Variants in TRIM37 observed in about 807,000 individuals in gnomAD.
TRIM37 encodes the protein tripartite motif containing 37, also known as E3 ubiquitin-protein ligase TRIM37.
TRIM37 carries 80 observed loss-of-function variants against 129.8 expected under a neutral mutation model. The ratio of observed to expected loss-of-function variants is 0.62; its 90% confidence interval spans 0.51 to 0.74. The LOEUF is 0.74. TRIM37 is among the 30% of genes least tolerant of loss of function. The pLI is 0.00. For missense variants in TRIM37, 1,054 were observed against 1,176.5 expected, an observed-to-expected ratio of 0.90 and a Z score of 1.52; for synonymous variants, 389 against 387.1, an observed-to-expected ratio of 1.00 and a Z score of -0.06.
chr17:58,980,734 C>G (rs369185588), downstream of TRIM37: 2 of 1,614,098 alleles, frequency 1.2e-6, no homozygotes, highest in African/African-American at 1.3e-5. This position sits in a 1 kb window ranked among gnomAD's most constrained non-coding sequence, Gnocchi z 4.7. Flanking sequence ...ATGAACAGTT[C>G]AAATCCCCGG....
chr17:59,050,300 T>G (rs769363151), intron 14 of TRIM37, among the ~76,000 whole-genome samples: 3 of 152,158 alleles, frequency 2.0e-5, no homozygotes, highest in Admixed American at 6.5e-5. Context: ...CAAAACAACT[T>G]TATGCAATGA....
chr17:59,006,451 C>G (rs1043430856), intron 22 of TRIM37, among the ~76,000 whole-genome samples: 3 of 152,168 alleles, frequency 2.0e-5, no homozygotes, highest in African/African-American at 7.2e-5. Context: ...ATACATTAAC[C>G]ACCTGGTACA....
At chr17:58,975,741 GACTTT>G in the TRIM37 span, among the ~76,000 whole-genome samples, 1 of 152,300 alleles carries the variant, frequency 6.6e-6, no homozygotes, top group African/African-American at 2.4e-5. Flanking sequence ...AAGTAGTCTG[GACTTT>G]ACCAGGTGAA....
intron 3 of TRIM37, 56 bp downstream of exon 3, chr17:59,091,244 C>A: frequency 7.1e-7 from 1 of 1,399,202 alleles, no homozygotes; most frequent in East Asian, 2.5e-5. Context: ...AATCCCAAGG[C>A]ACATTCTGAT....
chr17:58,981,661 T>C (rs1369852953), downstream of TRIM37: 2 of 152,654 alleles, frequency 1.3e-5, no homozygotes, highest in Non-Finnish European at 2.9e-5. Flanking sequence ...ATTTTTTTCC[T>C]GTAACATAAA....
At chr17:59,042,143 G>A (rs1179312366) in intron 16 of TRIM37, among the ~76,000 whole-genome samples, 24 of 150,418 alleles carry the variant, frequency 1.6e-4, no homozygotes, top group African/African-American at 3.2e-4. Flanking sequence ...TTGGGAGGCT[G>A]AGGCAGGCGG....
intron 14 of TRIM37, among the ~76,000 whole-genome samples, chr17:59,050,393 A>C (rs926862826): frequency 1.3e-5 from 2 of 152,216 alleles, no homozygotes; most frequent in Non-Finnish European, 2.9e-5. Flanking sequence ...TTTTAATTTT[A>C]ATTAAGCTAA....
At chr17:59,020,046 C>G (rs1884994347) in intron 19 of TRIM37, among the ~76,000 whole-genome samples, 1 of 151,700 alleles carries the variant, frequency 6.6e-6, no homozygotes, top group Non-Finnish European at 1.5e-5. Flanking sequence ...GCCTGGCCAG[C>G]ATGGTGAAAC....
At chr17:59,054,214 ATATTT>A (rs1399851867) in intron 13 of TRIM37, among the ~76,000 whole-genome samples, 1 of 152,238 alleles carries the variant, frequency 6.6e-6, no homozygotes, top group Non-Finnish European at 1.5e-5. Flanking sequence ...AGTTCAGAAC[ATATTT>A]TAATCTTTTT....
chr17:58,986,291 C>T (rs967825849), intron 24 of TRIM37, among the ~76,000 whole-genome samples: 2 of 151,952 alleles, frequency 1.3e-5, no homozygotes, highest in African/African-American at 4.8e-5. Context: ...CTCTGCCTCC[C>T]AGGTTCAAGC....
downstream of TRIM37, chr17:58,981,039 T>C: frequency 6.4e-7 from 1 of 1,562,502 alleles, no homozygotes; most frequent in Non-Finnish European, 8.6e-7. Flanking sequence ...TAATTTTTCT[T>C]TCAAGTAGGT....
At chr17:59,097,835 A>C (rs2045054180) in intron 2 of TRIM37, among the ~76,000 whole-genome samples, 1 of 152,248 alleles carries the variant, frequency 6.6e-6, no homozygotes, top group Non-Finnish European at 1.5e-5. Flanking sequence ...ACCCATGTTC[A>C]AGGATCATAA....
intron 5 of TRIM37, among the ~76,000 whole-genome samples, chr17:59,081,967 T>A (rs562929973): frequency 0.016 from 1,915 of 117,930 alleles, 26 homozygotes; most frequent in Non-Finnish European, 0.024. Context: ...AAAAAAAAAA[T>A]AATAATAATA....
At chr17:59,060,868 T>A (rs1199155541) in intron 12 of TRIM37, among the ~76,000 whole-genome samples, 164 bp downstream of exon 12, 1 of 152,190 alleles carries the variant, frequency 6.6e-6, no homozygotes, top group Non-Finnish European at 1.5e-5. Flanking sequence ...CTTAAAAATA[T>A]TTTGTTTTTA....
At chr17:59,075,343 C>G (rs1043315455) in intron 8 of TRIM37, among the ~76,000 whole-genome samples, 1 of 151,872 alleles carries the variant, frequency 6.6e-6, no homozygotes, top group African/African-American at 2.4e-5. Flanking sequence ...GCGGGCAGAT[C>G]ACCAGGTCAG....
downstream of TRIM37, chr17:58,980,119 C>T: frequency 6.2e-7 from 1 of 1,614,076 alleles, no homozygotes; most frequent in Non-Finnish European, 8.5e-7. The surrounding 1 kb of genome is among the most constrained non-coding windows in gnomAD (Gnocchi z 4.7). Context: ...TTGTGTCCGA[C>T]CACCTGAAAG....
At chr17:59,067,028 T>G (rs1376619038) in intron 9 of TRIM37, among the ~76,000 whole-genome samples, 1 of 151,058 alleles carries the variant, frequency 6.6e-6, no homozygotes, top group African/African-American at 2.4e-5. Context: ...AATTTAAATT[T>G]TATTTATTTA....
At chr17:58,974,277 CATAA>C in the TRIM37 span, among the ~76,000 whole-genome samples, 1 of 152,090 alleles carries the variant, frequency 6.6e-6, no homozygotes, top group Non-Finnish European at 1.5e-5. Context: ...TTTAAAATGA[CATAA>C]ATAACAGAAT....
chr17:59,075,436 C>T (rs1279896530), intron 8 of TRIM37, among the ~76,000 whole-genome samples: 2 of 151,594 alleles, frequency 1.3e-5, no homozygotes, highest in African/African-American at 2.4e-5. Context: ...TAGTGGTGGG[C>T]GCCTGTAGTC....
Sources: gnomAD v4.1 joint callset for allele counts (sites outside exome capture counted in the v4.1 genomes callset) on GRCh38, gnomAD v4.1.1 for gene constraint, Gnocchi (gnomAD v3.1) non-coding constraint, MANE v1.5 for transcripts, NCBI Gene and HGNC (gene_info 2026-07-23, HGNC 2026-07-21) for gene names.